The following MPP4 variants were observed in gnomAD, a reference collection of about 807,000 sequenced individuals.
MPP4 encodes MAGUK p55 scaffold protein 4.
Under a neutral mutation model 98.3 loss-of-function variants are expected in MPP4, and 91 were observed. That is an observed-to-expected ratio of 0.93 (90% CI 0.78 to 1.10). MPP4 has a LOEUF of 1.10. Ranked by LOEUF, MPP4 falls within the 50% of genes least tolerant of loss-of-function variation. The pLI, the probability that MPP4 is intolerant of heterozygous loss-of-function variation, is 0.00. For synonymous variants in MPP4, 261 were observed against 271.8 expected, an observed-to-expected ratio of 0.96 and a Z score of 0.39; for missense variants, 744 against 792.9, an observed-to-expected ratio of 0.94 and a Z score of 0.74.
rs148342327 is a variant in MPP4 at position 201,678,301 on chromosome 2, C to T, written c.929+2537G>A. 5.8e-4 allele frequency among the ~76,000 whole-genome samples: 89 copies of T among 152,186 alleles called. 1 individual carries two copies. The highest frequency in any genetic ancestry group is 1.9e-3 in the African/African-American group (78 of 41,498). Reference sequence around the variant, plus strand: ...TTTATCCCTGTTCATGTCCTTCAGCCCCCAAGCTCAGGTCACCCCTTATCC... The same window carrying T: ...TTTATCCCTGTTCATGTCCTTCAGCTCCCAAGCTCAGGTCACCCCTTATCC... On this transcript the variant is annotated intron_variant, in intron 10 of 21. Transcript: ENST00000409474.
intron 11 of MPP4, among the ~76,000 whole-genome samples, chr2:201,670,473 T>C (rs725324): frequency 0.98 from 149,837 of 152,280 alleles, 73,768 homozygotes; most frequent in East Asian, 1. Context: ...GCTCGTGGAC[T>C]TAGATATTTG....
At chr2:201,662,115 T>C (rs1299436316) in intron 14 of MPP4, 1 of 360,130 alleles carries the variant, frequency 2.8e-6, no homozygotes, top group Non-Finnish European at 5.4e-6. Context: ...TAGCCATCTC[T>C]CTACTTTTAT....
At position 201,656,339 on chromosome 2, in the gene MPP4, G is replaced by T; in HGVS notation, c.1159C>A (p.Arg387Ser). 1 of 1,554,790 alleles carries T rather than the reference G, an allele frequency of 6.4e-7. No individual in the cohort carries two copies. Among genetic ancestry groups the T allele is most frequent in the South Asian group, 1.2e-5 (1 of 84,184 alleles). The change falls in exon 17 of 22, where the codon CGC (arginine) becomes AGC (serine). Residue 387 changes from arginine to serine, a missense_variant. Coordinates refer to ENST00000409474, the MANE Select transcript of MPP4 (RefSeq NM_033066.3). ...AGCGGGCTGAGGTGAGACTTCCTGC[G>T]ACAAAGGCGCATGCTGCGGCGGAAG... Reference protein sequence around the residue: ...AGFRRSMRLCRRKSHLSPLHA... With the variant: ...AGFRRSMRLCSRKSHLSPLHA...
intron 1 of MPP4, chr2:201,698,179 T>C: frequency 4.3e-6 from 3 of 698,950 alleles, no homozygotes; most frequent in Non-Finnish European, 5.3e-6. Flanking sequence ...AAACGTACTA[T>C]TAAATGCCAC....
At chr2:201,657,974 T>G (rs1457256295) in intron 16 of MPP4, among the ~76,000 whole-genome samples, 4 of 151,202 alleles carry the variant, frequency 2.6e-5, no homozygotes, top group South Asian at 2.1e-4. Context: ...TTTTTGTTTT[T>G]TTTTTTTCAC....
rs1687666440 is a variant in MPP4, at chr2:201,649,776, TAA to T, written c.1476-94_1476-93del. 2.8e-5 allele frequency: 23 copies of T among 833,962 alleles called. No homozygotes were observed. The South Asian group carries it at 3.3e-4, about 12-fold the overall frequency. 51.7% of individuals were successfully genotyped at this position (833,962 alleles called of 1,614,324 possible). A position where few individuals can be genotyped will look rare whatever the true frequency, so the allele number is the denominator to read the frequency against. On this transcript the variant is annotated intron_variant, in intron 19 of 21. Coordinates refer to ENST00000409474, the MANE Select transcript of MPP4 (RefSeq NM_033066.3). ...GGATAAACTGCACTAGAGTTGAATA[TAA>T]ATATGTGGACTTTATTAACACAGAA...
intron 13 of MPP4, chr2:201,665,744 A>G (rs1688158712): frequency 6.6e-6 from 1 of 152,222 alleles, no homozygotes; most frequent in Non-Finnish European, 1.5e-5. Flanking sequence ...AAGCAAAGAC[A>G]GATTCACCTG....
intron 5 of MPP4, 24 bp downstream of exon 5, chr2:201,687,267 T>C (rs771101026): frequency 1.3e-6 from 2 of 1,552,422 alleles, no homozygotes; most frequent in Admixed American, 3.9e-5. Context: ...TGGGGACATC[T>C]TTTCTATTTT....
intron 13 of MPP4, chr2:201,664,432 G>T: frequency 8.5e-7 from 1 of 1,176,476 alleles, no homozygotes; most frequent in Non-Finnish European, 1.1e-6. Flanking sequence ...AATCCCTAGA[G>T]ACTGTTGGAT....
intron 21 of MPP4, among the ~76,000 whole-genome samples, chr2:201,645,790 A>T (rs759642603): frequency 1.3e-5 from 2 of 152,192 alleles, no homozygotes; most frequent in Non-Finnish European, 2.9e-5. Context: ...AGCTGGGACT[A>T]TAGGCACATG....
At chr2:201,673,167 C>T (rs995514870) in intron 11 of MPP4, among the ~76,000 whole-genome samples, 2 of 152,070 alleles carry the variant, frequency 1.3e-5, no homozygotes, top group African/African-American at 4.8e-5. Flanking sequence ...AAATTCAACA[C>T]CCCCTCATGC....
chr2:201,648,428 C>T (rs959313406), intron 20 of MPP4, among the ~76,000 whole-genome samples: 1 of 152,002 alleles, frequency 6.6e-6, no homozygotes, highest in African/African-American at 2.4e-5. Context: ...TCTCATGTAC[C>T]CTCAACTCCT....
chr2:201,650,089 G>T lies in MPP4; in HGVS notation c.1458C>A (p.Asn486Lys). Residue 486 changes from asparagine to lysine, a missense_variant, in exon 19 of 22, where the codon AAC becomes AAA. Transcript: ENST00000409474. ...YHYVSKETFENLIYSHRMLEY... is the reference protein window; with the variant it reads ...YHYVSKETFEKLIYSHRMLEY... ...TACTTTACCTGTGACTATATATGAG[G>T]TTTTCAAATGTTTCCTTGGACACAT... 1.3e-6 allele frequency: 2 copies of T among 1,574,648 alleles called. No homozygotes were observed. Among genetic ancestry groups the T allele is most frequent in the South Asian group, 2.3e-5 (2 of 85,412 alleles).
At chr2:201,675,363 A>C in intron 10 of MPP4, 92 bp from the exon 11 acceptor site, 2 of 1,258,500 alleles carry the variant, frequency 1.6e-6, no homozygotes, top group Non-Finnish European at 2.3e-6. Flanking sequence ...CGACAAACAG[A>C]ATGTTTCTTA....
chr2:201,662,112 C>A (rs1386462335), intron 14 of MPP4: 2 of 369,538 alleles, frequency 5.4e-6, no homozygotes, highest in Non-Finnish European at 1.1e-5. Flanking sequence ...TTGTAGCCAT[C>A]TCTCTACTTT....
chr2:201,667,881 T>G (rs1334520317), intron 12 of MPP4, among the ~76,000 whole-genome samples: 1 of 152,176 alleles, frequency 6.6e-6, no homozygotes, highest in Non-Finnish European at 1.5e-5. Flanking sequence ...CTCATACAGG[T>G]AGGGACACAG....
Position 201,645,267 on chromosome 2 carries a change from C to T in MPP4, c.1857G>A (p.Gln619=), listed in dbSNP as rs1446528380. Residue 619 remains glutamine (Q), a synonymous_variant, in exon 22 of 22, where the codon CAG becomes CAA. Transcript: ENST00000409474. ...AQLLSAIQKA[Q]EEPQWVPATW... ...TTGCTGGTACCCACTGAGGCTCCTCCTGAGCCTTCTGTATGGCAGACAACA... is the reference window on the plus strand; with the variant it reads ...TTGCTGGTACCCACTGAGGCTCCTCTTGAGCCTTCTGTATGGCAGACAACA... 1.2e-6 allele frequency: 2 copies of T among 1,613,942 alleles called. No homozygotes were observed.
chr2:201,647,785 A>G lies in MPP4; in HGVS notation c.1625T>C (p.Val542Ala). The G allele has an allele frequency of 6.2e-7, 1 of 1,613,920 alleles. No individual in the cohort carries two copies. The highest frequency in any genetic ancestry group is 8.5e-7 in the Non-Finnish European group (1 of 1,179,830). Residue 542 changes from valine (V) to alanine (A), a missense_variant, in exon 21 of 22, where the codon GTC (valine) becomes GCC (alanine). Val to Ala is a moderately conservative substitution (Grantham distance 64, BLOSUM62 0). Transcript: ENST00000409474. ...CATATTCGATGGCTTTATAAATATG[A>G]CATAGGGCTTCAGTTCATGGGTTCG... is the stretch of plus-strand genomic sequence containing the variant. ...GVRTHELKPY[V>A]IFIKPSNMRC...
At chr2:201,664,591 A>C (rs1230070663) in intron 13 of MPP4, among the ~76,000 whole-genome samples, 1 of 152,188 alleles carries the variant, frequency 6.6e-6, no homozygotes, top group Non-Finnish European at 1.5e-5. Context: ...GCTGAGAAGG[A>C]TGTGAGATAA....
Sources: gnomAD v4.1 joint callset for allele counts (sites outside exome capture counted in the v4.1 genomes callset) on GRCh38, gnomAD v4.1.1 for gene constraint, MANE v1.5 for transcripts, NCBI Gene and HGNC (gene_info 2026-07-23, HGNC 2026-07-21) for gene names.